The following FILIP1 variants were observed in gnomAD, a reference collection of about 807,000 sequenced individuals.
FILIP1 encodes the protein filamin A interacting protein 1.
Under a neutral mutation model 102.1 loss-of-function variants are expected in FILIP1, and 61 were observed. The ratio of observed to expected loss-of-function variants is 0.60; its 90% confidence interval spans 0.49 to 0.74. The LOEUF is 0.74. FILIP1 is among the 30% of genes least tolerant of loss of function. The pLI is 0.00. For missense variants in FILIP1, 1,314 were observed against 1,441.2 expected (o/e 0.91, Z 1.43); for synonymous variants, 491 against 526.9 (o/e 0.93, Z 0.93).
chr6:75,354,567 T>C (rs1361371405), intron 3 of FILIP1, among the ~76,000 whole-genome samples: 1 of 88,786 alleles, frequency 1.1e-5, no homozygotes, highest in Non-Finnish European at 2.2e-5. Context: ...GGAGACTCCA[T>C]CTCAAAAAAA....
intron 2 of FILIP1, among the ~76,000 whole-genome samples, chr6:75,365,118 A>G (rs1045913010): frequency 6.6e-6 from 1 of 152,130 alleles, no homozygotes; most frequent in African/African-American, 2.4e-5. Context: ...AGTAAAGGCC[A>G]TTTTCTAAGG....
At chr6:75,400,121 T>A (rs1281996861) in intron 2 of FILIP1, among the ~76,000 whole-genome samples, 1 of 152,148 alleles carries the variant, frequency 6.6e-6, no homozygotes, top group Non-Finnish European at 1.5e-5. Flanking sequence ...CTGTGACAGG[T>A]AGAAAACAAA....
chr6:75,296,534 C>G (rs1284119723), intron 6 of FILIP1: 2 of 147,328 alleles, frequency 1.4e-5, no homozygotes, highest in East Asian at 2.0e-4. Flanking sequence ...GAGTCTCGCT[C>G]TGTCGCCCAG....
At chr6:75,458,183 A>T (rs1006811095) in intron 1 of FILIP1, 1 of 152,184 alleles carries the variant, frequency 6.6e-6, no homozygotes, top group Non-Finnish European at 1.5e-5. Context: ...GACGTCTGGC[A>T]ATAGCTAGAG....
At chr6:75,352,689 G>A (rs1472866336) in intron 4 of FILIP1, among the ~76,000 whole-genome samples, 1 of 151,520 alleles carries the variant, frequency 6.6e-6, no homozygotes, top group African/African-American at 2.4e-5. Context: ...TTTCTACACT[G>A]GTATTAAAAA....
chr6:75,296,126 G>A (rs1772660399), intron 6 of FILIP1, among the ~76,000 whole-genome samples: 1 of 152,136 alleles, frequency 6.6e-6, no homozygotes, highest in South Asian at 2.1e-4. Flanking sequence ...ATTGGCGTAT[G>A]TACTTTACCT....
At chr6:75,462,248 T>C (rs1288021778) in intron 1 of FILIP1, among the ~76,000 whole-genome samples, 1 of 152,154 alleles carries the variant, frequency 6.6e-6, no homozygotes, top group Non-Finnish European at 1.5e-5. Flanking sequence ...TCAGAATGGA[T>C]GTCAGCTATG....
intron 4 of FILIP1, among the ~76,000 whole-genome samples, chr6:75,343,427 TC>T (rs1201072788): frequency 6.6e-6 from 1 of 152,072 alleles, no homozygotes; most frequent in East Asian, 1.9e-4. Context: ...TCCATCTTTG[TC>T]CCCCACCCAC....
chr6:75,334,333 G>A (rs977334741), intron 4 of FILIP1, among the ~76,000 whole-genome samples: 4 of 152,116 alleles, frequency 2.6e-5, no homozygotes, highest in African/African-American at 9.7e-5. Context: ...ATACCAAGGT[G>A]CATCTTGGCC....
At chr6:75,442,762 G>T (rs1173492808) in intron 1 of FILIP1, among the ~76,000 whole-genome samples, 22 of 152,094 alleles carry the variant, frequency 1.4e-4, no homozygotes, top group African/African-American at 4.8e-4. Context: ...GAGAGGGAGA[G>T]GGGGAGGGGG....
At chr6:75,477,955 C>T (rs1372343061) in intron 1 of FILIP1, among the ~76,000 whole-genome samples, 2 of 152,178 alleles carry the variant, frequency 1.3e-5, no homozygotes, top group South Asian at 2.1e-4. Context: ...AATCATCAAA[C>T]GGAAGTTGGA....
intron 4 of FILIP1, chr6:75,319,130 C>T (rs997688444): frequency 3.2e-5 from 23 of 722,138 alleles, no homozygotes; most frequent in East Asian, 2.8e-4. Context: ...TTGCTTTTTT[C>T]AGACTTGACA....
chr6:75,455,729 AC>A (rs1374070839), intron 1 of FILIP1, among the ~76,000 whole-genome samples: 1 of 152,138 alleles, frequency 6.6e-6, no homozygotes, highest in Non-Finnish European at 1.5e-5. Context: ...AAAAACTTTT[AC>A]CTCTTAGATT....
rs1562461913 is a variant in FILIP1 at position 75,326,112 on chromosome 6, G to GAT, written c.630-10911_630-10910insAT. 7.5e-3 allele frequency among the ~76,000 whole-genome samples: 719 copies of GAT among 96,000 alleles called. 2 individuals are homozygous for GAT. Among genetic ancestry groups the GAT allele is most frequent in the African/African-American group, 0.024 (650 of 27,496 alleles). The allele number at this position is 96,000 out of a possible 152,430, so 63.0% of individuals were successfully genotyped here. On this transcript the variant is annotated intron_variant, in intron 4 of 5. Coordinates refer to ENST00000237172, the MANE Select transcript of FILIP1 (RefSeq NM_015687.5). ...TAGATAGATTAGATAGATAGATAGA[G>GAT]AGATAGATAGATATACACACACACA...
At chr6:75,459,695 T>G (rs116286613) in intron 1 of FILIP1, among the ~76,000 whole-genome samples, 2 of 152,174 alleles carry the variant, frequency 1.3e-5, no homozygotes, top group Non-Finnish European at 1.5e-5. Flanking sequence ...GACACATAAT[T>G]TTCTGTTACT....
chr6:75,486,946 CTTATCAAA>C (rs1190462485), intron 1 of FILIP1, among the ~76,000 whole-genome samples: 1 of 151,964 alleles, frequency 6.6e-6, no homozygotes, highest in African/African-American at 2.4e-5. Context: ...TTGGGGATGT[CTTATCAAA>C]AGTTGACGGG....
intron 4 of FILIP1, among the ~76,000 whole-genome samples, chr6:75,340,082 C>G (rs1204374590): frequency 6.6e-6 from 1 of 152,086 alleles, no homozygotes; most frequent in Non-Finnish European, 1.5e-5. Flanking sequence ...AGCACTTCCT[C>G]TCCCAAAGGA....
chr6:75,325,551 AAAT>A (rs971961172), intron 4 of FILIP1, among the ~76,000 whole-genome samples: 44 of 152,238 alleles, frequency 2.9e-4, no homozygotes, highest in African/African-American at 1.1e-3. Context: ...AAGAAAAAAC[AAAT>A]AATCCCATCA....
chr6:75,302,917 C>T (rs1171710620), intron 6 of FILIP1, among the ~76,000 whole-genome samples: 3 of 151,928 alleles, frequency 2.0e-5, no homozygotes, highest in African/African-American at 7.3e-5. Context: ...AAAATGAATC[C>T]TAGAGTTTTG....
Sources: allele counts gnomAD v4.1 joint callset (sites outside exome capture counted in the v4.1 genomes callset), GRCh38; gene constraint gnomAD v4.1.1; transcripts MANE v1.5; gene names NCBI Gene and HGNC (gene_info 2026-07-23, HGNC 2026-07-21).